PCDH11X: variants seen among roughly 807,000 people sequenced by gnomAD.
PCDH11X encodes the protein protocadherin 11 X-linked.
A neutral mutation model predicts 53.3 loss-of-function variants in PCDH11X; 18 were observed. The observed-to-expected ratio is 0.34, with a 90% CI of 0.23 to 0.50. PCDH11X has a LOEUF of 0.50. PCDH11X is among the 20% of genes least tolerant of loss of function. The probability of loss-of-function intolerance (pLI) is 0.98; values close to 1 mark genes in which losing one functional copy is unlikely to be tolerated. For missense variants in PCDH11X, 570 were observed against 1,032.4 expected (o/e 0.55, Z 6.14); for synonymous variants, 279 against 393.3 (o/e 0.71, Z 3.44).
intron 6 of PCDH11X, among the ~76,000 whole-genome samples, chrX:92,123,720 T>C (rs1295315217): frequency 9.4e-6 from 1 of 106,187 alleles, no homozygotes; most frequent in Non-Finnish European, 1.9e-5. Context: ...CACACACTCT[T>C]GTATCAGTAT....
At chrX:92,571,138 T>C (rs946579254) in intron 10 of PCDH11X, among the ~76,000 whole-genome samples, 59 of 111,428 alleles carry the variant, frequency 5.3e-4, no homozygotes, top group Non-Finnish European at 9.4e-4. Flanking sequence ...CTGGGCACAA[T>C]ACTGAATGAA....
At chrX:92,246,549 G>A (rs1307355758) in intron 7 of PCDH11X, among the ~76,000 whole-genome samples, 3 of 110,394 alleles carry the variant, frequency 2.7e-5, no homozygotes, top group South Asian at 3.9e-4. Context: ...ACGGGGTTTC[G>A]CCATGTTGGC....
chrX:92,465,469 G>T (rs1198571446), intron 9 of PCDH11X, among the ~76,000 whole-genome samples: 1 of 111,684 alleles, frequency 9.0e-6, no homozygotes, highest in Non-Finnish European at 1.9e-5. Flanking sequence ...TAAAATTTAT[G>T]CATAATAAAA....
At chrX:92,437,085 T>G (rs1440301543) in intron 9 of PCDH11X, among the ~76,000 whole-genome samples, 1 of 111,000 alleles carries the variant, frequency 9.0e-6, no homozygotes, top group African/African-American at 3.3e-5. Context: ...ATGTGTTGCA[T>G]GCCTGTATCA....
At chrX:91,955,589 T>C (rs1009943047) in intron 6 of PCDH11X, among the ~76,000 whole-genome samples, 1 of 111,089 alleles carries the variant, frequency 9.0e-6, no homozygotes, top group African/African-American at 3.3e-5. Flanking sequence ...TGAGTGAATT[T>C]CATAATCTTG....
intron 8 of PCDH11X, among the ~76,000 whole-genome samples, chrX:92,275,691 G>C (rs1235341990): frequency 8.9e-6 from 1 of 111,989 alleles, no homozygotes; most frequent in Non-Finnish European, 1.9e-5. Context: ...GGCTTGTCTG[G>C]TTTTAGGACA....
chrX:92,322,721 CT>C (rs1477273237), intron 8 of PCDH11X, among the ~76,000 whole-genome samples: 2 of 111,615 alleles, frequency 1.8e-5, no homozygotes, highest in African/African-American at 6.5e-5. Context: ...CTTATCAACA[CT>C]CATAAAGTCT....
intron 5 of PCDH11X, among the ~76,000 whole-genome samples, chrX:91,863,845 A>T (rs772869259): frequency 8.9e-6 from 1 of 111,772 alleles, no homozygotes; most frequent in African/African-American, 3.2e-5. Context: ...ATAATAGCTT[A>T]ACATTGTTTG....
At chrX:92,212,006 C>CTTTTTTTT (rs56939635) in intron 7 of PCDH11X, among the ~76,000 whole-genome samples, 8 of 64,586 alleles carry the variant, frequency 1.2e-4, no homozygotes, top group East Asian at 5.4e-4. Context: ...ACTTGCAATG[C>CTTTTTTTT]TTTTTTTTTT....
At chrX:92,379,880 A>T (rs1344297001) in intron 8 of PCDH11X, among the ~76,000 whole-genome samples, 1 of 102,108 alleles carries the variant, frequency 9.8e-6, no homozygotes, top group Non-Finnish European at 2.0e-5. Flanking sequence ...TCACACTCCA[A>T]TTGTCTGCAT....
intron 9 of PCDH11X, among the ~76,000 whole-genome samples, chrX:92,394,579 C>T (rs2071203389): frequency 9.0e-6 from 1 of 110,727 alleles, no homozygotes; most frequent in African/African-American, 3.3e-5. Flanking sequence ...AGCCATGAGG[C>T]GATTCATTTT....
intron 10 of PCDH11X, among the ~76,000 whole-genome samples, chrX:92,573,754 A>G (rs945647778): frequency 2.8e-5 from 3 of 108,540 alleles, no homozygotes; most frequent in Admixed American, 1.0e-4. Context: ...AGAAAATACT[A>G]TAGGCTTTTC....
chrX:92,076,648 C>G (rs1193503600), intron 6 of PCDH11X, among the ~76,000 whole-genome samples: 1 of 111,623 alleles, frequency 9.0e-6, no homozygotes, highest in Non-Finnish European at 1.9e-5. Flanking sequence ...TATGTAAAAT[C>G]TTCAAGTTAT....
At chrX:92,148,080 TTCTTTCTTTCTTTCTTTC>T (rs2065340164) in intron 6 of PCDH11X, among the ~76,000 whole-genome samples, 1 of 14,276 alleles carries the variant, frequency 7.0e-5, no homozygotes, top group African/African-American at 3.0e-4. Flanking sequence ...CTTTCTTTCT[TTCTTTCTTTCTTTCTTTC>T]TTTCTTTCTT....
intron 8 of PCDH11X, among the ~76,000 whole-genome samples, chrX:92,355,618 G>T (rs1421365414): frequency 2.9e-5 from 3 of 103,213 alleles, no homozygotes; most frequent in East Asian, 6.3e-4. Context: ...ATTTATTCAC[G>T]GTAGTTTATA....
chrX:92,114,027 C>A, intron 6 of PCDH11X: 1 of 1,203,251 alleles, frequency 8.3e-7, no homozygotes, highest in Non-Finnish European at 1.1e-6. Flanking sequence ...TCTGCAGTTT[C>A]TGCACCTCAG....
intron 10 of PCDH11X, among the ~76,000 whole-genome samples, chrX:92,487,141 C>T (rs1344075056): frequency 1.0e-5 from 1 of 99,653 alleles, no homozygotes; most frequent in Non-Finnish European, 2.0e-5. Flanking sequence ...CATCCTCCGC[C>T]TCCTGGATTC....
At chrX:92,096,019 A>G (rs768027857) in intron 6 of PCDH11X, among the ~76,000 whole-genome samples, 1 of 112,363 alleles carries the variant, frequency 8.9e-6, no homozygotes, top group South Asian at 3.7e-4. Context: ...TCTTGAATAT[A>G]CTATCACAAT....
chrX:92,505,777 G>A lies in PCDH11X; in HGVS notation c.3367+37455G>A, dbSNP rs183820322. On this transcript the variant is annotated intron_variant, in intron 10 of 10. Coordinates refer to ENST00000682573, the MANE Select transcript of PCDH11X (RefSeq NM_032968.5). ...TTGTTTGATTGGAATAGCATTGAAT[G>A]TGTAAATTGCTTTGGGCACTATGGA... is the stretch of plus-strand genomic sequence containing the variant. 8.5e-3 allele frequency among the ~76,000 whole-genome samples: 934 copies of A among 110,108 alleles called. 10 individuals are homozygous for A. Among genetic ancestry groups the A allele is most frequent in the African/African-American group, 0.029 (884 of 30,559 alleles).
Sources: allele counts gnomAD v4.1 joint callset (sites outside exome capture counted in the v4.1 genomes callset), GRCh38; gene constraint gnomAD v4.1.1; transcripts MANE v1.5; gene names NCBI Gene and HGNC (gene_info 2026-07-23, HGNC 2026-07-21).